Variants in GRIP2 observed in about 807,000 individuals in gnomAD.
GRIP2 encodes the protein glutamate receptor interacting protein 2.
A neutral mutation model predicts 108.3 loss-of-function variants in GRIP2; 58 were observed. The ratio of observed to expected loss-of-function variants is 0.54; its 90% CI spans 0.43 to 0.67. The LOEUF (loss-of-function observed/expected upper bound fraction) is 0.67. GRIP2 is among the 30% of genes least tolerant of loss of function. The pLI is 0.00. For synonymous variants in GRIP2, 586 were observed against 598.2 expected, an observed-to-expected ratio of 0.98 and a Z score of 0.30; for missense variants, 1,278 against 1,430.6, an observed-to-expected ratio of 0.89 and a Z score of 1.72.
chr3:14,574,904 C>T, the GRIP2 span: 42 of 254,802 alleles, frequency 1.6e-4, no homozygotes, highest in Non-Finnish European at 2.5e-4. Context: ...GAAGCATATA[C>T]GCTGTATTAT....
At position 14,496,497 on chromosome 3, in the gene GRIP2, A is replaced by G; in HGVS notation, c.2743T>C (p.Trp915Arg). ...ALEGRPGHRP[W>R]QRGREVRASP... The stretch of plus-strand genomic sequence containing the variant: ...GCTCGTACCTCCCGGCCCCTCTGCC[A>G]AGGCCGGTGGCCAGGCCTGCCCTCG... The change falls in exon 22 of 24, where the codon TGG (tryptophan) becomes CGG (arginine). Residue 915 changes from tryptophan to arginine, a missense_variant. By Grantham distance (101) the Trp-to-Arg change is moderately radical. Coordinates refer to ENST00000621039, the MANE Select transcript of GRIP2 (RefSeq NM_001080423.4). 1.2e-6 allele frequency: 2 copies of G among 1,612,338 alleles called. No homozygotes were observed. The highest frequency in any genetic ancestry group is 8.5e-7 in the Non-Finnish European group (1 of 1,179,426).
the GRIP2 span, among the ~76,000 whole-genome samples, chr3:14,563,934 T>A: frequency 1.1e-4 from 17 of 152,052 alleles, no homozygotes; most frequent in Admixed American, 7.9e-4. Flanking sequence ...GGCGACCGAG[T>A]GGCAGAGGAA....
Position 14,527,545 on chromosome 3 carries a change from G to C in GRIP2, c.41-1614C>G, listed in dbSNP as rs186358011. On this transcript the variant is annotated intron_variant, in intron 1 of 23. Transcript: ENST00000621039. ...CCCTGGGGGTGGGCTCCAGGAATCT[G>C]TATGTGTGTGTATATTAGTATATTA... Among the ~76,000 whole-genome samples the C allele has an allele frequency of 6.3e-4, 96 of 152,260 alleles. 1 individual carries two copies. Among genetic ancestry groups the C allele is most frequent in the Non-Finnish European group, 1.0e-3 (68 of 68,018 alleles).
chr3:14,522,078 A>C lies in GRIP2; in HGVS notation c.567-291T>G. The C allele has an allele frequency of 1.0e-5, 4 of 396,854 alleles. No homozygotes were observed. The highest frequency in any genetic ancestry group is 4.5e-6 in the Non-Finnish European group (1 of 222,448). The allele number at this position is 396,854 out of a possible 1,614,324, so 24.6% of individuals were successfully genotyped here. Reference sequence around the variant, plus strand: ...CACAGACTCAGTGCAGAACCCTGAAATGTCTGAGCTGGGGGTGCTCTTCAA... The same window carrying C: ...CACAGACTCAGTGCAGAACCCTGAACTGTCTGAGCTGGGGGTGCTCTTCAA... On this transcript the variant is annotated intron_variant, in intron 6 of 23. Transcript: ENST00000621039. This position sits in a 1 kb window ranked among gnomAD's most constrained non-coding sequence, Gnocchi z 4.3.
At chr3:14,510,536 T>G (rs75037852) in intron 16 of GRIP2, among the ~76,000 whole-genome samples, 1,671 of 151,782 alleles carry the variant, frequency 0.011, 11 homozygotes, top group Non-Finnish European at 0.016. Context: ...AAGTGAGGGG[T>G]GTACAGGTAT....
At chr3:14,525,757 C>G in intron 2 of GRIP2, 94 bp downstream of exon 2, 1 of 1,353,006 alleles carries the variant, frequency 7.4e-7, no homozygotes, top group Non-Finnish European at 1.0e-6. Flanking sequence ...GGTCACAGAG[C>G]AAGTCAGTGG....
chr3:14,577,086 G>A, the GRIP2 span, among the ~76,000 whole-genome samples: 6 of 152,024 alleles, frequency 3.9e-5, no homozygotes, highest in South Asian at 2.1e-4. Flanking sequence ...TATTTCCTTC[G>A]GCTCCAATTC....
chr3:14,514,147 C>T (rs956458127), intron 12 of GRIP2, 145 bp downstream of exon 12: 16 of 825,548 alleles, frequency 1.9e-5, no homozygotes, highest in Middle Eastern at 3.4e-4. Context: ...CTCTGAGCCT[C>T]GGTTTCCTCA....
At chr3:14,581,955 G>A in the GRIP2 span, among the ~76,000 whole-genome samples, 1 of 152,162 alleles carries the variant, frequency 6.6e-6, no homozygotes, top group Non-Finnish European at 1.5e-5. Context: ...TGAGGAGTAG[G>A]GCAACAGAGG....
rs371589692 is a variant in GRIP2 at position 14,505,665 on chromosome 3, G to C, written c.2523C>G (p.Asp841Glu). The part of the protein sequence containing the change: ...RRTSYTPTPA[D>E]ESFPEEEEED... The stretch of plus-strand genomic sequence containing the variant: ...CCTCCTCCTCCTCTGGAAAGCTCTC[G>C]TCAGCTGGGGTTGGGGTATAGCTCG... The change falls in exon 20 of 24, where the codon GAC (aspartate) becomes GAG (glutamate). Residue 841 changes from aspartate to glutamate, a missense_variant. Asp to Glu is a conservative substitution (Grantham distance 45). Coordinates refer to ENST00000621039, the MANE Select transcript of GRIP2 (RefSeq NM_001080423.4). The surrounding 1 kb of genome is among the most constrained non-coding windows in gnomAD (Gnocchi z 4.2). 1 of 1,608,250 alleles carries C rather than the reference G, an allele frequency of 6.2e-7. No homozygotes were observed. Among genetic ancestry groups the C allele is most frequent in the African/African-American group, 1.3e-5 (1 of 74,840 alleles).
chr3:14,517,905 C>A lies in GRIP2; in HGVS notation c.1031-8G>T. The stretch of plus-strand genomic sequence containing the variant: ...CACTCCTCTGCACTTTCACTGTAGC[C>A]AGCGGAGAAAGAGGAAAGAGAGGTG... On this transcript the variant is annotated splice_polypyrimidine_tract_variant and splice_region_variant and intron_variant, in intron 9 of 23. Coordinates refer to ENST00000621039, the MANE Select transcript of GRIP2 (RefSeq NM_001080423.4). 6.5e-7 allele frequency: 1 copy of A among 1,540,300 alleles called. No individual in the cohort carries two copies. Among genetic ancestry groups the A allele is most frequent in the Non-Finnish European group, 8.8e-7 (1 of 1,142,082 alleles).
upstream of GRIP2, among the ~76,000 whole-genome samples, chr3:14,543,457 A>ACTCT (rs1233923654): frequency 6.6e-6 from 1 of 152,362 alleles, no homozygotes; most frequent in East Asian, 1.9e-4. Context: ...GCAGGCTGAC[A>ACTCT]GTAGGTGAGA....
chr3:14,581,816 C>G, the GRIP2 span, among the ~76,000 whole-genome samples: 1 of 152,194 alleles, frequency 6.6e-6, no homozygotes, highest in South Asian at 2.1e-4. Context: ...CCACTTATAA[C>G]CTAACACTGC....
chr3:14,566,419 T>C, the GRIP2 span, among the ~76,000 whole-genome samples: 2 of 152,204 alleles, frequency 1.3e-5, no homozygotes, highest in Non-Finnish European at 2.9e-5. Context: ...AAGCCCCAGA[T>C]GGTAGCTCAA....
the GRIP2 span, among the ~76,000 whole-genome samples, chr3:14,561,949 A>G: frequency 6.6e-6 from 1 of 152,242 alleles, no homozygotes; most frequent in Non-Finnish European, 1.5e-5. Flanking sequence ...TTTATTCAGC[A>G]CTGTCTGTGT....
intron 1 of GRIP2, among the ~76,000 whole-genome samples, chr3:14,533,826 C>T (rs17317323): frequency 0.18 from 26,988 of 152,190 alleles, 2,476 homozygotes; most frequent in South Asian, 0.2. Flanking sequence ...CTTCCTGCTA[C>T]AATTTTTGGC....
At chr3:14,553,131 G>A (rs1425365887) in intron 1 of GRIP2, among the ~76,000 whole-genome samples, 2 of 145,380 alleles carry the variant, frequency 1.4e-5, no homozygotes, top group Admixed American at 6.9e-5. Flanking sequence ...TTTCAGAGAC[G>A]GAGTCTCGCT....
the GRIP2 span, among the ~76,000 whole-genome samples, chr3:14,583,531 C>CGGGAGGCT: frequency 9.9e-5 from 15 of 152,222 alleles, no homozygotes; most frequent in South Asian, 8.3e-4. Context: ...GCTGGCAGGC[C>CGGGAGGCT]GGGAGGCTGG....
At chr3:14,555,263 C>T (rs1016634163) in intron 1 of GRIP2, among the ~76,000 whole-genome samples, 1 of 152,100 alleles carries the variant, frequency 6.6e-6, no homozygotes, top group Non-Finnish European at 1.5e-5. Context: ...CCCTCGCTCC[C>T]TCCCACCCCT....
Sources: allele counts gnomAD v4.1 joint callset (sites outside exome capture counted in the v4.1 genomes callset), GRCh38; gene constraint gnomAD v4.1.1; non-coding constraint Gnocchi (gnomAD v3.1); transcripts MANE v1.5; gene names NCBI Gene and HGNC (gene_info 2026-07-23, HGNC 2026-07-21).